The following KCNH1 variants were observed in gnomAD, a reference collection of about 807,000 sequenced individuals.
KCNH1 encodes the protein voltage-gated delayed rectifier potassium channel KCNH1.
Under a neutral mutation model 69.2 loss-of-function variants are expected in KCNH1, and 27 were observed. That is an observed-to-expected ratio of 0.39 (90% confidence interval 0.29 to 0.54). The LOEUF is 0.54. KCNH1 is among the 20% of genes least tolerant of loss of function. The pLI is 0.68. For synonymous variants in KCNH1, 456 were observed against 487.7 expected, an observed-to-expected ratio of 0.93 and a Z score of 0.86; for missense variants, 798 against 1,261.6, an observed-to-expected ratio of 0.63 and a Z score of 5.57.
intron 10 of KCNH1, among the ~76,000 whole-genome samples, chr1:210,772,098 G>A (rs1683763163): frequency 1.3e-5 from 2 of 152,206 alleles, no homozygotes; most frequent in African/African-American, 4.8e-5. Context: ...GAAGACTTTG[G>A]CCAAGGTGTC....
chr1:210,826,411 C>A lies in KCNH1; in HGVS notation c.1463-22245G>T, dbSNP rs1488481524. Among the ~76,000 whole-genome samples, 3 of 151,882 alleles carry A rather than the reference C, an allele frequency of 2.0e-5. No individual in the cohort carries two copies. In the East Asian group the frequency reaches 5.8e-4, roughly 29 times the overall value. On this transcript the variant is annotated intron_variant, in intron 7 of 10. Coordinates refer to ENST00000271751, the MANE Select transcript of KCNH1 (RefSeq NM_172362.3). Reference sequence around the variant, plus strand: ...TTCCCTATGGAATTAGTAATGCTGCCCAAAAAGAATAAGGTGAAAATAAGA... The same window carrying A: ...TTCCCTATGGAATTAGTAATGCTGCACAAAAAGAATAAGGTGAAAATAAGA...
At chr1:210,743,817 G>T (rs1683089760) in intron 10 of KCNH1, among the ~76,000 whole-genome samples, 1 of 152,170 alleles carries the variant, frequency 6.6e-6, no homozygotes. Context: ...TAGCAGAGCT[G>T]TCCCATAATA....
intron 1 of KCNH1, among the ~76,000 whole-genome samples, chr1:211,120,684 G>A (rs542287443): frequency 6.6e-6 from 1 of 152,050 alleles, no homozygotes; most frequent in African/African-American, 2.4e-5. Flanking sequence ...AAAAAGAGGG[G>A]TTTTTTGGTA....
intron 5 of KCNH1, among the ~76,000 whole-genome samples, chr1:211,049,714 G>A (rs571954389): frequency 9.8e-5 from 15 of 152,308 alleles, no homozygotes; most frequent in Admixed American, 9.8e-4. Context: ...CAAGACCACT[G>A]CAGGATTCCA....
chr1:211,008,216 A>G (rs1197473694), intron 6 of KCNH1, among the ~76,000 whole-genome samples: 1 of 152,234 alleles, frequency 6.6e-6, no homozygotes, highest in Non-Finnish European at 1.5e-5. Flanking sequence ...AATATCATTC[A>G]TCCTTAAAAA....
At chr1:211,064,109 C>T (rs1690484388) in intron 5 of KCNH1, among the ~76,000 whole-genome samples, 2 of 152,076 alleles carry the variant, frequency 1.3e-5, no homozygotes, top group South Asian at 4.1e-4. Context: ...CTGTAATTAC[C>T]AAAGACTGGT....
At position 211,079,102 on chromosome 1, in the gene KCNH1, AAATAGACAC is replaced by A. The variant is rs1340675902; in HGVS notation, c.558+3669_558+3677del. Among the ~76,000 whole-genome samples the A allele has an allele frequency of 3.3e-5, 5 of 152,242 alleles. No homozygotes were observed. In the East Asian group the frequency reaches 9.6e-4, roughly 29 times the overall value. On this transcript the variant is annotated intron_variant, in intron 5 of 10. Transcript: ENST00000271751. ...ATAAAGAAGGAAAGAGAGAAGAATC[AAATAGACAC>A]AATAAAAAAATGATAAAGGGGTTAT...
chr1:210,787,271 C>A (rs780141081), intron 9 of KCNH1, among the ~76,000 whole-genome samples: 3 of 152,086 alleles, frequency 2.0e-5, no homozygotes, highest in Non-Finnish European at 4.4e-5. Flanking sequence ...CCACTGCTGT[C>A]CCTGGTGGAA....
intron 5 of KCNH1, among the ~76,000 whole-genome samples, chr1:211,051,939 T>G (rs1000134078): frequency 2.0e-5 from 3 of 151,940 alleles, no homozygotes; most frequent in Non-Finnish European, 4.4e-5. Flanking sequence ...TCTCTCTCTT[T>G]GCACTACGTC....
chr1:211,068,724 A>C (rs190043984), intron 5 of KCNH1, among the ~76,000 whole-genome samples: 1 of 152,318 alleles, frequency 6.6e-6, no homozygotes, highest in African/African-American at 2.4e-5. Flanking sequence ...CAGAGAAGTG[A>C]GTGCACAGGG....
chr1:211,126,936 C>T (rs1381956684), intron 1 of KCNH1, among the ~76,000 whole-genome samples: 1 of 150,746 alleles, frequency 6.6e-6, no homozygotes, highest in Non-Finnish European at 1.5e-5. Flanking sequence ...TCTGGTTATC[C>T]CACACCCAAC....
At chr1:210,821,498 A>G (rs772071967) in intron 7 of KCNH1, among the ~76,000 whole-genome samples, 11 of 151,982 alleles carry the variant, frequency 7.2e-5, no homozygotes, top group Middle Eastern at 3.4e-3. Context: ...AGACCTCACC[A>G]TGTATCACCT....
At chr1:211,039,223 G>T (rs934859361) in intron 5 of KCNH1, among the ~76,000 whole-genome samples, 3 of 152,238 alleles carry the variant, frequency 2.0e-5, no homozygotes, top group African/African-American at 7.2e-5. Flanking sequence ...TCCACATGGT[G>T]TTGAGCCTGC....
chr1:210,981,208 G>A (rs1010345290), intron 6 of KCNH1, among the ~76,000 whole-genome samples: 1 of 152,042 alleles, frequency 6.6e-6, no homozygotes, highest in Non-Finnish European at 1.5e-5. Flanking sequence ...AAGACACGGA[G>A]TTTAACTCAT....
intron 7 of KCNH1, among the ~76,000 whole-genome samples, chr1:210,877,204 A>C (rs570612516): frequency 2.2e-4 from 34 of 152,288 alleles, no homozygotes; most frequent in African/African-American, 7.7e-4. Context: ...TTATAGCTGT[A>C]GTTGATGTGG....
At position 210,742,761 on chromosome 1, in the gene KCNH1, T is replaced by C. The variant is rs74495897; in HGVS notation, c.2112+32587A>G. Reference sequence around the variant, plus strand: ...ATCTGGGAATTAACCTGGAAATAACTGTCTAATGCAGAGCAAAAGGAAGAA... The same window carrying C: ...ATCTGGGAATTAACCTGGAAATAACCGTCTAATGCAGAGCAAAAGGAAGAA... On this transcript the variant is annotated intron_variant, in intron 10 of 10. Transcript: ENST00000271751. Among the ~76,000 whole-genome samples, 8 of 152,258 alleles carry C rather than the reference T, an allele frequency of 5.3e-5. No homozygotes were observed. In the East Asian group the frequency reaches 1.4e-3, roughly 26 times the overall value.
At chr1:211,116,896 T>C (rs1007034074) in intron 1 of KCNH1, among the ~76,000 whole-genome samples, 2 of 152,170 alleles carry the variant, frequency 1.3e-5, no homozygotes, top group African/African-American at 2.4e-5. Context: ...TCCAATATAA[T>C]AGTAATGGAG....
At chr1:211,052,075 A>G (rs78142322) in intron 5 of KCNH1, among the ~76,000 whole-genome samples, 7,341 of 152,352 alleles carry the variant, frequency 0.048, 267 homozygotes, top group Non-Finnish European at 0.07. Context: ...ATCATTGAAC[A>G]GTTGAGTTCT....
intron 6 of KCNH1, among the ~76,000 whole-genome samples, chr1:210,983,751 G>A (rs984138048): frequency 2.7e-4 from 41 of 152,192 alleles, no homozygotes; most frequent in African/African-American, 9.9e-4. Context: ...ACTTGGCGAT[G>A]CGGGCTCTTT....
Sources: allele counts gnomAD v4.1 joint callset (sites outside exome capture counted in the v4.1 genomes callset), GRCh38; gene constraint gnomAD v4.1.1; transcripts MANE v1.5; gene names NCBI Gene and HGNC (gene_info 2026-07-23, HGNC 2026-07-21).